RHBDD1: variants seen among roughly 807,000 people sequenced by gnomAD.
RHBDD1 encodes rhomboid-related protein 4.
RHBDD1 carries 38 observed loss-of-function variants against 36.3 expected under a neutral mutation model. That is an observed-to-expected ratio of 1.05 (90% confidence interval 0.81 to 1.37). The LOEUF (loss-of-function observed/expected upper bound fraction) is 1.37. Among genes scored for constraint, RHBDD1 ranks in the 40% most tolerant of loss-of-function variants. The pLI is 0.00. For synonymous variants in RHBDD1, 151 were observed against 136.5 expected, an observed-to-expected ratio of 1.11 and a Z score of -0.74; for missense variants, 393 against 377.6, an observed-to-expected ratio of 1.04 and a Z score of -0.34.
chr2:226,905,385 C>A (rs1947966986), intron 5 of RHBDD1, among the ~76,000 whole-genome samples: 1 of 151,992 alleles, frequency 6.6e-6, no homozygotes, highest in South Asian at 2.1e-4. Flanking sequence ...CATTTTTTGA[C>A]AGAGGTGCTG....
At chr2:226,991,024 C>T (rs972673483) in intron 8 of RHBDD1, among the ~76,000 whole-genome samples, 1 of 152,178 alleles carries the variant, frequency 6.6e-6, no homozygotes, top group African/African-American at 2.4e-5. Flanking sequence ...GTGACAAAAG[C>T]GTGCTGCTTA....
chr2:226,929,696 T>G (rs1949897924), intron 8 of RHBDD1, among the ~76,000 whole-genome samples: 1 of 151,450 alleles, frequency 6.6e-6, no homozygotes, highest in Non-Finnish European at 1.5e-5. Flanking sequence ...TTAGAGAGAG[T>G]CAAAATGTCT....
At chr2:226,884,953 A>G (rs371084934) in intron 5 of RHBDD1, among the ~76,000 whole-genome samples, 13 of 152,316 alleles carry the variant, frequency 8.5e-5, no homozygotes, top group African/African-American at 2.9e-4. Flanking sequence ...TGAGAAAAAA[A>G]TGAATTACAT....
intron 5 of RHBDD1, among the ~76,000 whole-genome samples, chr2:226,872,662 A>G (rs1462893301): frequency 1.3e-5 from 2 of 152,200 alleles, no homozygotes; most frequent in Non-Finnish European, 2.9e-5. Flanking sequence ...CTTTAGTGGC[A>G]AAGTGCAGGT....
chr2:226,914,033 C>T (rs754099615), intron 7 of RHBDD1, among the ~76,000 whole-genome samples, 175 bp from the exon 8 acceptor site: 2 of 152,188 alleles, frequency 1.3e-5, no homozygotes, highest in African/African-American at 2.4e-5. Context: ...CCATGGTGGG[C>T]ACTGAGGATA....
intron 8 of RHBDD1, among the ~76,000 whole-genome samples, chr2:226,970,069 G>A (rs932748794): frequency 8.0e-5 from 11 of 136,946 alleles, no homozygotes; most frequent in Admixed American, 8.7e-5. Context: ...CTCTCCCCCC[G>A]CATTCCTTAA....
rs751980042 is a variant in RHBDD1 at position 226,864,652 on chromosome 2, G to C, written c.-42G>C. On this transcript the variant is annotated 5_prime_UTR_variant, in exon 4 of 9. Transcript: ENST00000392062. ...CAGATACCTGAAACTGACCACCTGA[G>C]TACGTTTTCCCATTGCTGAGCTGTT... 8 of 1,544,554 alleles carry C rather than the reference G, an allele frequency of 5.2e-6. No homozygotes were observed. In the Admixed American group the frequency reaches 1.0e-4, roughly 20 times the overall value.
intron 8 of RHBDD1, among the ~76,000 whole-genome samples, chr2:226,979,095 C>T (rs772310830): frequency 6.6e-6 from 1 of 152,156 alleles, no homozygotes. Context: ...TCGTGTGGCT[C>T]ATTCCCAGTC....
At chr2:226,988,597 G>A (rs1957514580) in intron 8 of RHBDD1, 9 of 1,361,876 alleles carry the variant, frequency 6.6e-6, no homozygotes, top group Non-Finnish European at 8.5e-6. Context: ...AAGAGGCCGG[G>A]GGCTCCAGCT....
Position 226,944,918 on chromosome 2 carries a change from C to T in RHBDD1, c.856+30567C>T, listed in dbSNP as rs1183427534. Among the ~76,000 whole-genome samples, 5 of 151,812 alleles carry T rather than the reference C, an allele frequency of 3.3e-5. No homozygotes were observed. The East Asian group carries it at 5.8e-4, about 18-fold the overall frequency. On this transcript the variant is annotated intron_variant, in intron 8 of 8. Transcript: ENST00000392062. Reference sequence around the variant, plus strand: ...TTAGTGAAGGATTTTCATAGAGGAGCGAGGGGAGCAAAGAAAATAGATAAA... The same window carrying T: ...TTAGTGAAGGATTTTCATAGAGGAGTGAGGGGAGCAAAGAAAATAGATAAA...
At chr2:226,852,342 G>A (rs1403128636) in intron 3 of RHBDD1, among the ~76,000 whole-genome samples, 1 of 152,156 alleles carries the variant, frequency 6.6e-6, no homozygotes, top group East Asian at 1.9e-4. Context: ...TTATAAAAAT[G>A]TCTGTGTGCA....
rs998900818 is a variant in RHBDD1 at position 226,857,096 on chromosome 2, A to T, written c.-90-7508A>T. Among the ~76,000 whole-genome samples, 19 of 150,112 alleles carry T rather than the reference A, an allele frequency of 1.3e-4. 1 individual carries two copies. Among genetic ancestry groups the T allele is most frequent in the Middle Eastern group, 3.5e-3 (1 of 286 alleles). On this transcript the variant is annotated intron_variant, in intron 3 of 8. Transcript: ENST00000392062. ...TAATTTTCTGTAGAAAGTGTAAGAG[A>T]GTGTGTGTGTGTGTGTGTGTTTGGG... is the stretch of plus-strand genomic sequence containing the variant.
At chr2:226,879,203 G>A (rs1437426753) in intron 5 of RHBDD1, among the ~76,000 whole-genome samples, 1 of 151,958 alleles carries the variant, frequency 6.6e-6, no homozygotes, top group South Asian at 2.1e-4. Context: ...AAGTTTTTAT[G>A]TGGGACACAG....
chr2:226,953,938 G>A (rs62189765), intron 8 of RHBDD1, among the ~76,000 whole-genome samples: 3,638 of 152,258 alleles, frequency 0.024, 75 homozygotes, highest in Non-Finnish European at 0.038. Flanking sequence ...TATTTTGGCT[G>A]CTCTCACATG....
chr2:226,860,552 G>A (rs1042348232), intron 3 of RHBDD1, among the ~76,000 whole-genome samples: 1 of 152,114 alleles, frequency 6.6e-6, no homozygotes. Context: ...GGCCCACAGC[G>A]TCAGGTTACA....
rs559099165 is a variant in RHBDD1, at chr2:226,904,430, T to G, written c.567-2363T>G. Among the ~76,000 whole-genome samples the G allele has an allele frequency of 4.2e-3, 452 of 106,646 alleles. 20 individuals are homozygous for G. The highest frequency in any genetic ancestry group is 5.4e-3 in the Admixed American group (52 of 9,658). 70.0% of individuals were successfully genotyped at this position (106,646 alleles called of 152,430 possible). On this transcript the variant is annotated intron_variant, in intron 5 of 8. Transcript: ENST00000392062. ...TCCTGCAAGCGGGGGGGGAGGGGGG[T>G]CAGGGAACTCCTGTTTCAGTAGATA... is the stretch of plus-strand genomic sequence containing the variant.
intron 3 of RHBDD1, among the ~76,000 whole-genome samples, chr2:226,848,509 G>C (rs1942461623): frequency 6.6e-6 from 1 of 152,120 alleles, no homozygotes; most frequent in Non-Finnish European, 1.5e-5. Context: ...GTCACAATAA[G>C]AAAAAAGCTG....
At chr2:226,976,500 CCT>C (rs1220707296) in intron 8 of RHBDD1, among the ~76,000 whole-genome samples, 1 of 152,086 alleles carries the variant, frequency 6.6e-6, no homozygotes, top group African/African-American at 2.4e-5. Context: ...CCTGCCTTTT[CCT>C]CTTCTTTGAC....
At chr2:226,931,262 T>C (rs1406800819) in intron 8 of RHBDD1, among the ~76,000 whole-genome samples, 3 of 151,642 alleles carry the variant, frequency 2.0e-5, no homozygotes, top group African/African-American at 7.3e-5. Context: ...AACCAATGAG[T>C]AAAGAAAATG....
Sources: gnomAD v4.1 joint callset for allele counts (sites outside exome capture counted in the v4.1 genomes callset) on GRCh38, gnomAD v4.1.1 for gene constraint, MANE v1.5 for transcripts, NCBI Gene and HGNC (gene_info 2026-07-23, HGNC 2026-07-21) for gene names.